Variants in NCKAP5 observed in about 807,000 individuals in gnomAD.
NCKAP5 encodes the protein nck-associated protein 5.
In NCKAP5, 92 loss-of-function variants were observed where a neutral mutation model predicts 167.0. That is an observed-to-expected ratio of 0.55 (90% CI 0.47 to 0.66). NCKAP5 has a LOEUF of 0.66. Among genes scored for constraint, NCKAP5 ranks in the 30% least tolerant of loss-of-function variants. The pLI is 0.00. For synonymous variants in NCKAP5, 891 were observed against 877.4 expected (o/e 1.02, Z -0.27); for missense variants, 2,378 against 2,315.0 (o/e 1.03, Z -0.56).
chr2:133,132,864 G>T (rs1432973347), intron 5 of NCKAP5, among the ~76,000 whole-genome samples: 1 of 151,954 alleles, frequency 6.6e-6, no homozygotes, highest in African/African-American at 2.4e-5. Flanking sequence ...TTTTAGTAGA[G>T]ACAGGGTTTC....
intron 3 of NCKAP5, among the ~76,000 whole-genome samples, chr2:133,448,563 G>A (rs972447725): frequency 1.4e-4 from 22 of 152,204 alleles, no homozygotes; most frequent in African/African-American, 5.3e-4. Flanking sequence ...GGCCTTAGGA[G>A]TGCATGGTTG....
intron 16 of NCKAP5, 135 bp downstream of exon 16, chr2:132,773,681 A>G (rs1170767286): frequency 1.4e-6 from 1 of 700,068 alleles, no homozygotes; most frequent in East Asian, 2.7e-5. Context: ...CTAAGGAGAT[A>G]ATGGCAACCA....
intron 5 of NCKAP5, among the ~76,000 whole-genome samples, chr2:133,211,480 A>T (rs1432106014): frequency 2.0e-5 from 3 of 152,034 alleles, no homozygotes; most frequent in Admixed American, 1.3e-4. Flanking sequence ...TCCTCCTCCA[A>T]TGGCCTCCCA....
Position 133,010,082 on chromosome 2 carries a change from AT to A in NCKAP5, c.342-15844del, listed in dbSNP as rs201393322. The stretch of plus-strand genomic sequence containing the variant: ...CCAGATTCTGTCTCAAAAAAAAAAA[AT>A]AAATAAATAAAAAAAACAAACAGAG... On this transcript the variant is annotated intron_variant, in intron 6 of 19. Transcript: ENST00000409261. Among the ~76,000 whole-genome samples, 107 of 150,950 alleles carry A rather than the reference AT, an allele frequency of 7.1e-4. 1 individual carries two copies. Among genetic ancestry groups the A allele is most frequent in the African/African-American group, 1.6e-3 (64 of 41,124 alleles).
intron 8 of NCKAP5, among the ~76,000 whole-genome samples, chr2:132,883,553 C>T (rs924687415): frequency 2.6e-5 from 4 of 152,116 alleles, no homozygotes; most frequent in East Asian, 1.9e-4. Context: ...CCTTCTTTCC[C>T]GGCAGGCTGC....
At chr2:133,098,597 C>T (rs1475846455) in intron 6 of NCKAP5, among the ~76,000 whole-genome samples, 1 of 152,022 alleles carries the variant, frequency 6.6e-6, no homozygotes, top group African/African-American at 2.4e-5. Flanking sequence ...AGTGAGTAAA[C>T]ATTAAAATTA....
intron 13 of NCKAP5, 73 bp downstream of exon 13, chr2:132,789,950 C>T (rs193084133): frequency 6.9e-7 from 1 of 1,450,276 alleles, no homozygotes; most frequent in Admixed American, 2.3e-5. Flanking sequence ...TCCCACCTGC[C>T]CTTCATCTCC....
intron 11 of NCKAP5, among the ~76,000 whole-genome samples, chr2:132,824,800 G>A (rs1687009282): frequency 6.6e-6 from 1 of 152,164 alleles, no homozygotes; most frequent in Non-Finnish European, 1.5e-5. Flanking sequence ...GACTGGCAAT[G>A]TTTGAGATGG....
intron 8 of NCKAP5, among the ~76,000 whole-genome samples, chr2:132,893,059 T>G (rs1217766575): frequency 1.3e-5 from 2 of 150,728 alleles, no homozygotes; most frequent in African/African-American, 2.4e-5. Flanking sequence ...TAGGAATCAT[T>G]TCATCCAAAA....
At chr2:132,740,638 G>A (rs1679101154) in intron 16 of NCKAP5, among the ~76,000 whole-genome samples, 1 of 152,018 alleles carries the variant, frequency 6.6e-6, no homozygotes, top group Admixed American at 6.6e-5. Context: ...CACTCTGATG[G>A]CTTTGGAGTT....
intron 10 of NCKAP5, among the ~76,000 whole-genome samples, chr2:132,862,874 T>C (rs1690038543): frequency 6.6e-6 from 1 of 152,062 alleles, no homozygotes; most frequent in South Asian, 2.1e-4. Flanking sequence ...CAGGCTGGAG[T>C]GCAGTGGCGC....
At chr2:133,021,048 C>T (rs1051035631) in intron 6 of NCKAP5, among the ~76,000 whole-genome samples, 46 of 152,136 alleles carry the variant, frequency 3.0e-4, no homozygotes, top group Non-Finnish European at 3.7e-4. Flanking sequence ...TTCAGCACAC[C>T]CCCTCAGGAA....
chr2:132,725,923 C>T lies in NCKAP5; in HGVS notation c.5581-164G>A, dbSNP rs117220221. ...TCACCCGAGAGCAACTCTGGTTTGC[C>T]GGTTTTTCTGCCTCCTGAGGAGCTG... On this transcript the variant is annotated intron_variant, in intron 18 of 19. Coordinates refer to ENST00000409261, the MANE Select transcript of NCKAP5 (RefSeq NM_207363.3). Among the ~76,000 whole-genome samples the T allele has an allele frequency of 3.5e-3, 528 of 152,270 alleles. 3 individuals carry two copies. The highest frequency in any genetic ancestry group is 6.8e-3 in the Middle Eastern group (2 of 294).
At position 132,988,971 on chromosome 2, in the gene NCKAP5, A is replaced by G. The variant is rs577724015; in HGVS notation, c.429+5181T>C. Reference sequence around the variant, plus strand: ...CTTGGTAGTCGCAGAAGCTGTATCCATAGTTGGGTCCTTTTCCCCCCAGTT... The same window carrying G: ...CTTGGTAGTCGCAGAAGCTGTATCCGTAGTTGGGTCCTTTTCCCCCCAGTT... On this transcript the variant is annotated intron_variant, in intron 7 of 19. Coordinates refer to ENST00000409261, the MANE Select transcript of NCKAP5 (RefSeq NM_207363.3). Among the ~76,000 whole-genome samples the G allele has an allele frequency of 6.8e-4, 104 of 152,342 alleles. No individual in the cohort carries two copies. The Middle Eastern group carries it at 0.014, about 20-fold the overall frequency.
chr2:133,064,192 A>G (rs2080109333), intron 6 of NCKAP5, among the ~76,000 whole-genome samples: 2 of 152,238 alleles, frequency 1.3e-5, no homozygotes, highest in South Asian at 4.1e-4. Context: ...CTATAAAACT[A>G]TAAATAAAAT....
chr2:133,323,849 T>C (rs13409478), intron 3 of NCKAP5, among the ~76,000 whole-genome samples: 35,436 of 152,128 alleles, frequency 0.23, 4,264 homozygotes, highest in African/African-American at 0.3. Flanking sequence ...CTAATGTTTT[T>C]CTACAAGACC....
rs761476019 is a variant in NCKAP5, at chr2:133,106,961, T to C, written c.341+23017A>G. ...TTCCAATGTATGACAACGTCTCCCTTCTTTTCTAACGTGAATCTTTTCCAT... is the reference window on the plus strand; with the variant it reads ...TTCCAATGTATGACAACGTCTCCCTCCTTTTCTAACGTGAATCTTTTCCAT... On this transcript the variant is annotated intron_variant, in intron 6 of 19. Transcript: ENST00000409261. Among the ~76,000 whole-genome samples, 73 of 152,316 alleles carry C rather than the reference T, an allele frequency of 4.8e-4. 1 individual carries two copies. The highest frequency in any genetic ancestry group is 3.4e-3 in the Middle Eastern group (1 of 294).
the NCKAP5 span, among the ~76,000 whole-genome samples, chr2:133,641,331 T>C: frequency 1.3e-5 from 2 of 152,252 alleles, no homozygotes; most frequent in Non-Finnish European, 2.9e-5. Flanking sequence ...GTTCCAATTT[T>C]ATCTTAAGAG....
intron 5 of NCKAP5, among the ~76,000 whole-genome samples, chr2:133,171,733 C>G (rs2084258593): frequency 6.6e-6 from 1 of 152,188 alleles, no homozygotes. Flanking sequence ...AACAATAGAT[C>G]CGCCGTAGTT....
Sources: allele counts gnomAD v4.1 joint callset (sites outside exome capture counted in the v4.1 genomes callset), GRCh38; gene constraint gnomAD v4.1.1; transcripts MANE v1.5; gene names NCBI Gene and HGNC (gene_info 2026-07-23, HGNC 2026-07-21).